The following MTOR variants were observed in gnomAD, a reference collection of about 807,000 sequenced individuals.
MTOR encodes serine/threonine-protein kinase mTOR.
MTOR carries 70 observed loss-of-function variants against 319.8 expected under a neutral mutation model. The observed-to-expected ratio is 0.22, with a 90% CI of 0.18 to 0.27. The LOEUF (loss-of-function observed/expected upper bound fraction) is 0.27, where lower values mean the gene tolerates loss of function less well. MTOR is among the 10% of genes least tolerant of loss of function. MTOR has a pLI of 1.00. For synonymous variants in MTOR, 1,183 were observed against 1,211.4 expected (o/e 0.98, Z 0.49); for missense variants, 1,890 against 3,274.4 (o/e 0.58, Z 10.32).
chr1:11,168,182 AG>A (rs1183017247), intron 28 of MTOR, among the ~76,000 whole-genome samples: 2 of 151,280 alleles, frequency 1.3e-5, no homozygotes, highest in Non-Finnish European at 2.9e-5. Context: ...TCCCTGTTGT[AG>A]TACACAATCA....
At chr1:11,225,371 A>T (rs954076547) in intron 19 of MTOR, among the ~76,000 whole-genome samples, 1 of 152,010 alleles carries the variant, frequency 6.6e-6, no homozygotes, top group African/African-American at 2.4e-5. Flanking sequence ...AATTTTTTTT[A>T]AAAAGCAGAA....
chr1:11,179,778 C>A (rs1645089464), intron 28 of MTOR, among the ~76,000 whole-genome samples: 2 of 152,300 alleles, frequency 1.3e-5, no homozygotes, highest in South Asian at 4.1e-4. Flanking sequence ...GGGGCTACAG[C>A]AAAGATACAA....
chr1:11,199,804 TTATACAAACCAGTGC>T lies in MTOR; in HGVS notation c.3945-116_3945-102del. The T allele has an allele frequency of 3.1e-6, 4 of 1,299,640 alleles. No homozygotes were observed. The highest frequency in any genetic ancestry group is 1.4e-5 in the African/African-American group (1 of 68,968). 80.5% of individuals were successfully genotyped at this position (1,299,640 alleles called of 1,614,324 possible). A position where few individuals can be genotyped will look rare whatever the true frequency, so the allele number is the denominator to read the frequency against. ...TCGCTTTTGGCATCACTGATTTTGG[TTATACAAACCAGTGC>T]TATACAGACCAGTGCTGTCCAAGAG... On this transcript the variant is annotated intron_variant, in intron 26 of 57. Transcript: ENST00000361445. The surrounding 1 kb of genome is among the most constrained non-coding windows in gnomAD (Gnocchi z 4.5).
Position 11,107,126 on chromosome 1 carries a change from T to C in MTOR, c.*359A>G, listed in dbSNP as rs1641617247. ...CTGTACCCATGTTGAGAGGAGCAAC[T>C]AGGTCATTCTTCCATCAGCAAGTAC... On this transcript the variant is annotated 3_prime_UTR_variant, in exon 58 of 58. Transcript: ENST00000361445. The C allele has an allele frequency of 7.3e-7, 1 of 1,378,400 alleles. No individual in the cohort carries two copies. The highest frequency in any genetic ancestry group is 9.6e-7 in the Non-Finnish European group (1 of 1,044,270). The allele number at this position is 1,378,400 out of a possible 1,614,324, so 85.4% of individuals were successfully genotyped here. A position where few individuals can be genotyped will look rare whatever the true frequency, so the allele number is the denominator to read the frequency against.
At chr1:11,156,644 C>G (rs561493898) in intron 30 of MTOR, among the ~76,000 whole-genome samples, 2 of 152,306 alleles carry the variant, frequency 1.3e-5, no homozygotes, top group African/African-American at 2.4e-5. Context: ...TAATAACCCT[C>G]TGTTTACGTG....
intron 28 of MTOR, among the ~76,000 whole-genome samples, chr1:11,188,086 G>C (rs189392327): frequency 1.4e-3 from 218 of 152,358 alleles, no homozygotes; most frequent in Middle Eastern, 6.8e-3. Context: ...TATGGCATGG[G>C]AGGAGAGCTG....
rs1170299510 is a variant in MTOR, at chr1:11,256,144, GGAA to G, written c.550_552del (p.Phe184del). On this transcript the variant is annotated inframe_deletion, in exon 5 of 58. Coordinates refer to ENST00000361445, the MANE Select transcript of MTOR (RefSeq NM_004958.4). Reference sequence around the variant, plus strand: ...TTGTCAAAGAAGGGTTGCACTTGCTGGAAGAAGAAGGTAGGGACGCTGATGGCC... The same window carrying G: ...TTGTCAAAGAAGGGTTGCACTTGCTGGAAGAAGGTAGGGACGCTGATGGCC... The G allele has an allele frequency of 6.2e-7, 1 of 1,614,144 alleles. No homozygotes were observed. The highest frequency in any genetic ancestry group is 1.3e-5 in the African/African-American group (1 of 75,058).
intron 29 of MTOR, among the ~76,000 whole-genome samples, chr1:11,165,091 C>T (rs919341238): frequency 6.6e-6 from 1 of 152,100 alleles, no homozygotes; most frequent in Non-Finnish European, 1.5e-5. Context: ...ATTGATGGGG[C>T]GTATCTCAAA....
intron 28 of MTOR, chr1:11,192,216 C>A: frequency 7.5e-7 from 1 of 1,340,612 alleles, no homozygotes; most frequent in Non-Finnish European, 1.1e-6. Flanking sequence ...AAACACTCAA[C>A]TCAGATGGAG....
At chr1:11,110,255 G>C (rs1641789212) in intron 54 of MTOR, among the ~76,000 whole-genome samples, 1 of 152,208 alleles carries the variant, frequency 6.6e-6, no homozygotes, top group Non-Finnish European at 1.5e-5. Flanking sequence ...TTTCATATCA[G>C]CTCTGGGTAG....
intron 47 of MTOR, among the ~76,000 whole-genome samples, chr1:11,124,085 G>A (rs1380548501): frequency 6.6e-6 from 1 of 152,232 alleles, no homozygotes; most frequent in African/African-American, 2.4e-5. Context: ...ACCGTGCCCG[G>A]TCACCTTTTT....
In MTOR at chr1:11,150,149, G is replaced by A. The variant is rs1173545732; in HGVS notation, c.4547C>T (p.Ala1516Val). The A allele has an allele frequency of 6.2e-7, 1 of 1,613,910 alleles. No homozygotes were observed. The highest frequency in any genetic ancestry group is 1.7e-5 in the Admixed American group (1 of 59,994). Residue 1516 changes from alanine (A) to valine (V), a missense_variant, in exon 31 of 58, where the codon GCT becomes GTT. Around this residue, in one of 15 missense-constraint regions of MTOR, gnomAD observed 276 missense variants for 459.4 expected, o/e 0.60. Transcript: ENST00000361445. ...ACCTAAACCCCATGCAGCTGCAGCA[G>A]CCATCCGGGCCATCTTGGCTTGGGT... ...DETQAKMARM[A>V]AAAAWGLGQW...
In MTOR at chr1:11,128,817, A is replaced by T; in HGVS notation, c.5811+38T>A. The T allele has an allele frequency of 6.5e-7, 1 of 1,539,830 alleles. No homozygotes were observed. The highest frequency in any genetic ancestry group is 9.0e-7 in the Non-Finnish European group (1 of 1,115,640). ...GTAAGAGGAGACACACAGAAGAGAGACTTGGAGCCACCTTCACCTGTAACC... is the reference window on the plus strand; with the variant it reads ...GTAAGAGGAGACACACAGAAGAGAGTCTTGGAGCCACCTTCACCTGTAACC... On this transcript the variant is annotated intron_variant, in intron 41 of 57. Coordinates refer to ENST00000361445, the MANE Select transcript of MTOR (RefSeq NM_004958.4). This position sits in a 1 kb window ranked among gnomAD's most constrained non-coding sequence, Gnocchi z 5.3.
intron 28 of MTOR, among the ~76,000 whole-genome samples, chr1:11,168,543 A>T (rs1263077371): frequency 6.6e-6 from 1 of 152,130 alleles, no homozygotes; most frequent in Non-Finnish European, 1.5e-5. Flanking sequence ...TCAAATTCAG[A>T]TGCCTCCCTA....
At chr1:11,159,313 A>G (rs1644404407) in intron 29 of MTOR, among the ~76,000 whole-genome samples, 1 of 152,202 alleles carries the variant, frequency 6.6e-6, no homozygotes, top group South Asian at 2.1e-4. Flanking sequence ...CTTTGCCATC[A>G]TCTGGAGAAA....
chr1:11,128,347 G>A lies in MTOR; in HGVS notation c.5910+107C>T. The A allele has an allele frequency of 1.5e-6, 2 of 1,303,170 alleles. No homozygotes were observed. Among genetic ancestry groups the A allele is most frequent in the East Asian group, 2.4e-5 (1 of 42,532 alleles). 80.7% of individuals were successfully genotyped at this position (1,303,170 alleles called of 1,614,324 possible). A position where few individuals can be genotyped will look rare whatever the true frequency, so the allele number is the denominator to read the frequency against. ...GGACAGACCCTCCTGGGCCAGGATG[G>A]AACACATGGCTCCCAGTTCCTGCGC... On this transcript the variant is annotated intron_variant, in intron 42 of 57. Coordinates refer to ENST00000361445, the MANE Select transcript of MTOR (RefSeq NM_004958.4). The surrounding 1 kb of genome is among the most constrained non-coding windows in gnomAD (Gnocchi z 5.3).
intron 14 of MTOR, 63 bp downstream of exon 14, chr1:11,234,080 C>T: frequency 6.2e-7 from 1 of 1,610,982 alleles, no homozygotes; most frequent in Non-Finnish European, 8.5e-7. Flanking sequence ...GAAACACTCC[C>T]ATCTCCCCAT....
At chr1:11,193,947 C>T (rs1426272238) in intron 28 of MTOR, among the ~76,000 whole-genome samples, 1 of 41,970 alleles carries the variant, frequency 2.4e-5, no homozygotes, top group Non-Finnish European at 3.8e-5. Flanking sequence ...TTCCTTTCTG[C>T]AACCCCCCCA....
At chr1:11,245,349 T>A (rs2100930880) in intron 8 of MTOR, among the ~76,000 whole-genome samples, 1 of 152,306 alleles carries the variant, frequency 6.6e-6, no homozygotes, top group East Asian at 1.9e-4. Context: ...AAACCACACA[T>A]CCCTTAGGAA....
Sources: allele counts gnomAD v4.1 joint callset (sites outside exome capture counted in the v4.1 genomes callset), GRCh38; gene constraint gnomAD v4.1.1; regional missense constraint gnomAD v4.1.1; non-coding constraint Gnocchi (gnomAD v3.1); transcripts MANE v1.5; gene names NCBI Gene and HGNC (gene_info 2026-07-23, HGNC 2026-07-21).